Variants in ARSG observed in about 807,000 individuals in gnomAD.
ARSG encodes ASG.
Under a neutral mutation model 50.5 loss-of-function variants are expected in ARSG, and 37 were observed. The ratio of observed to expected loss-of-function variants is 0.73; its 90% CI spans 0.56 to 0.96. The LOEUF is 0.96. Ranked by LOEUF, ARSG falls within the 50% of genes least tolerant of loss-of-function variation. The pLI is 0.00. For synonymous variants in ARSG, 225 were observed against 254.6 expected (o/e 0.88, Z 1.11); for missense variants, 629 against 675.3 (o/e 0.93, Z 0.76).
intron 6 of ARSG, among the ~76,000 whole-genome samples, chr17:68,364,930 T>A (rs554979367): frequency 6.6e-5 from 10 of 152,254 alleles, no homozygotes; most frequent in Admixed American, 6.5e-5. Flanking sequence ...TGTTTTGGAA[T>A]CTAGCCTGGC....
intron 9 of ARSG, among the ~76,000 whole-genome samples, chr17:68,393,152 C>CA (rs1188902557): frequency 6.6e-6 from 1 of 152,172 alleles, no homozygotes; most frequent in Non-Finnish European, 1.5e-5. Context: ...GAGCTGGCAC[C>CA]AATACAGCAG....
Position 68,368,705 on chromosome 17 carries a change from G to T in ARSG, c.862G>T (p.Asp288Tyr). The T allele has an allele frequency of 6.2e-7, 1 of 1,613,896 alleles. No individual in the cohort carries two copies. The highest frequency in any genetic ancestry group is 1.1e-5 in the South Asian group (1 of 91,042). ...GGTGGGCCAGATCAAGGACAAAGTT[G>T]ACCACACAGTGAAGGAAAACACATT... is the stretch of plus-strand genomic sequence containing the variant. ...SLVGQIKDKVDHTVKENTFLW... is the reference protein window; with the variant it reads ...SLVGQIKDKVYHTVKENTFLW... The change falls in exon 7 of 12, where the codon GAC becomes TAC. Residue 288 changes from aspartate to tyrosine, a missense_variant. Physicochemically the swap from Asp to Tyr is radical, Grantham distance 160 (BLOSUM62 -3). Transcript: ENST00000621439.
chr17:68,436,092 G>C, the ARSG span, among the ~76,000 whole-genome samples: 1 of 152,258 alleles, frequency 6.6e-6, no homozygotes, highest in African/African-American at 2.4e-5. Flanking sequence ...ACTGTCTCAG[G>C]CTGTGGCATG....
At chr17:68,280,179 CAAAAA>C (rs58937538) in intron 1 of ARSG, among the ~76,000 whole-genome samples, 2 of 87,582 alleles carry the variant, frequency 2.3e-5, no homozygotes, top group Non-Finnish European at 2.3e-5. Context: ...AACTCTGTCT[CAAAAA>C]AAAAAAAAAA....
At chr17:68,272,604 C>T (rs2075377226) in intron 1 of ARSG, 1 of 1,604,024 alleles carries the variant, frequency 6.2e-7, no homozygotes, top group Non-Finnish European at 8.5e-7. Context: ...CGTCTCTCAT[C>T]CACATTCATA....
At chr17:68,382,647 T>C (rs2080494781) in intron 8 of ARSG, among the ~76,000 whole-genome samples, 1 of 152,198 alleles carries the variant, frequency 6.6e-6, no homozygotes, top group Admixed American at 6.5e-5. Flanking sequence ...TAGGGGCCGA[T>C]AGAATGCCAG....
chr17:68,415,793 C>T (rs138849555), intron 11 of ARSG, among the ~76,000 whole-genome samples: 1 of 152,172 alleles, frequency 6.6e-6, no homozygotes, highest in East Asian at 1.9e-4. Context: ...TTTTTAACTG[C>T]CGTTGCTTTA....
chr17:68,385,207 C>T (rs1489273686), intron 9 of ARSG, 35 bp downstream of exon 9: 1 of 1,592,138 alleles, frequency 6.3e-7, no homozygotes, highest in Admixed American at 1.7e-5. Flanking sequence ...ATGTTGGGGC[C>T]CAGAGCAAGA....
chr17:68,320,741 C>T (rs1373495607), intron 2 of ARSG, among the ~76,000 whole-genome samples: 2 of 152,156 alleles, frequency 1.3e-5, no homozygotes, highest in African/African-American at 4.8e-5. Context: ...GATTTTCCAG[C>T]TTACCAGGAT....
chr17:68,414,106 G>A (rs1026911099), intron 11 of ARSG: 43 of 158,216 alleles, frequency 2.7e-4, no homozygotes, highest in Non-Finnish European at 3.3e-4. Flanking sequence ...GCTGTAGACC[G>A]GAGCTGTTCC....
chr17:68,442,464 CAAAA>C, the ARSG span, among the ~76,000 whole-genome samples: 2 of 62,782 alleles, frequency 3.2e-5, no homozygotes, highest in East Asian at 4.2e-4. Context: ...GACTGTGTCT[CAAAA>C]AAAAAAAAAA....
chr17:68,313,577 G>A (rs1307650067), intron 2 of ARSG, among the ~76,000 whole-genome samples: 7 of 152,020 alleles, frequency 4.6e-5, no homozygotes, highest in African/African-American at 1.2e-4. Flanking sequence ...CTGCGAAGAC[G>A]CTATCTCCAA....
At chr17:68,440,807 T>C in the ARSG span, 2 of 152,222 alleles carry the variant, frequency 1.3e-5, no homozygotes, top group African/African-American at 2.4e-5. Context: ...ATTTAAAGTA[T>C]TGCATGTCAA....
chr17:68,322,456 A>G (rs2077326404), intron 2 of ARSG, among the ~76,000 whole-genome samples: 1 of 152,062 alleles, frequency 6.6e-6, no homozygotes, highest in Admixed American at 6.5e-5. Context: ...ATCTCTACTA[A>G]AAATACAAAA....
chr17:68,347,272 C>T (rs939704507), intron 4 of ARSG, 100 bp downstream of exon 4: 2 of 1,374,420 alleles, frequency 1.5e-6, no homozygotes, highest in Non-Finnish European at 2.1e-6. Flanking sequence ...CTGGGGGCAA[C>T]CCTAAGTTAG....
intron 11 of ARSG, among the ~76,000 whole-genome samples, chr17:68,415,471 C>T (rs1046976571): frequency 1.3e-5 from 2 of 152,190 alleles, no homozygotes; most frequent in African/African-American, 4.8e-5. Flanking sequence ...GTTCCATGCA[C>T]TACTGAATAG....
the ARSG span, among the ~76,000 whole-genome samples, chr17:68,429,207 A>G: frequency 1.3e-5 from 2 of 152,336 alleles, no homozygotes; most frequent in Admixed American, 1.3e-4. Context: ...TAGCTAGTGA[A>G]CACATTAGCT....
chr17:68,433,581 A>G, the ARSG span: 1 of 1,612,592 alleles, frequency 6.2e-7, no homozygotes, highest in Non-Finnish European at 8.5e-7. Context: ...CATACCTACA[A>G]GCACAGCAAC....
intron 6 of ARSG, among the ~76,000 whole-genome samples, chr17:68,366,289 AT>A (rs1230836057): frequency 6.6e-6 from 1 of 152,138 alleles, no homozygotes; most frequent in Non-Finnish European, 1.5e-5. Context: ...TTATAATTGA[AT>A]TTTTAGCAAT....
Sources: gnomAD v4.1 joint callset for allele counts (sites outside exome capture counted in the v4.1 genomes callset) on GRCh38, gnomAD v4.1.1 for gene constraint, MANE v1.5 for transcripts, NCBI Gene and HGNC (gene_info 2026-07-23, HGNC 2026-07-21) for gene names.